The following POU2F2 variants were observed in gnomAD, a reference collection of about 807,000 sequenced individuals.
The protein encoded by POU2F2 is POU class 2 homeobox 2, also known as POU domain, class 2, transcription factor 2.
In POU2F2, 14 loss-of-function variants were observed where a neutral mutation model predicts 63.5. The ratio of observed to expected loss-of-function variants is 0.22; its 90% CI spans 0.15 to 0.34. POU2F2 has a LOEUF of 0.34. POU2F2 is among the 10% of genes least tolerant of loss of function. The pLI is 1.00. For synonymous variants in POU2F2, 306 were observed against 348.6 expected (o/e 0.88, Z 1.36); for missense variants, 607 against 815.2 (o/e 0.74, Z 3.11).
intron 5 of POU2F2, among the ~76,000 whole-genome samples, chr19:42,105,996 CTTTT>C (rs1177139816): frequency 6.9e-4 from 92 of 134,148 alleles, no homozygotes; most frequent in South Asian, 6.2e-3. Context: ...TAGGATCTTT[CTTTT>C]TTCTTTCTTT....
At chr19:42,151,480 C>T (rs990101839) in intron 2 of POU2F2, among the ~76,000 whole-genome samples, 1 of 152,124 alleles carries the variant, frequency 6.6e-6, no homozygotes, top group African/African-American at 2.4e-5. Flanking sequence ...GGGACCAGGG[C>T]AGTCCTGGCT....
intron 4 of POU2F2, among the ~76,000 whole-genome samples, chr19:42,121,754 T>G (rs1461046301): frequency 2.0e-5 from 3 of 152,082 alleles, no homozygotes. Flanking sequence ...ACAGCTATCC[T>G]CAACTGGTAC....
In POU2F2 at chr19:42,162,319, C is replaced by T. The variant is rs2034568016; in HGVS notation, c.-69-1927G>A. Among the ~76,000 whole-genome samples, 1 of 152,092 alleles carries T rather than the reference C, an allele frequency of 6.6e-6. No homozygotes were observed. Among genetic ancestry groups the T allele is most frequent in the South Asian group, 2.1e-4 (1 of 4,834 alleles). On this transcript the variant is annotated intron_variant, in intron 1 of 6. Transcript: ENST00000524801. The surrounding 1 kb of genome is among the most constrained non-coding windows in gnomAD (Gnocchi z 4.1). ...TGCCCTCCGACAGAGGGGAGAGGAT[C>T]CCTCTCCCAAGCAGACAACACCTCC... is the stretch of plus-strand genomic sequence containing the variant.
At position 42,152,100 on chromosome 19, in the gene POU2F2, C is replaced by T. The variant is rs543534824; in HGVS notation, c.-9+8232G>A. 5.3e-4 allele frequency among the ~76,000 whole-genome samples: 80 copies of T among 152,278 alleles called. No homozygotes were observed. The highest frequency in any genetic ancestry group is 1.1e-3 in the Non-Finnish European group (73 of 68,028). On this transcript the variant is annotated intron_variant, in intron 2 of 6. Transcript: ENST00000524801. The surrounding 1 kb of genome is among the most constrained non-coding windows in gnomAD (Gnocchi z 4.1). ...GGTTGGTCACAATCCACCCATGACACTGCGTCAGGGCCTCCCATCCACCCA... is the reference window on the plus strand; with the variant it reads ...GGTTGGTCACAATCCACCCATGACATTGCGTCAGGGCCTCCCATCCACCCA...
intron 1 of POU2F2, among the ~76,000 whole-genome samples, chr19:42,129,559 G>C (rs2033515578): frequency 6.6e-6 from 1 of 152,216 alleles, no homozygotes; most frequent in Non-Finnish European, 1.5e-5. Context: ...TAAATATAGA[G>C]GGCCCAAGGA....
intron 1 of POU2F2, among the ~76,000 whole-genome samples, chr19:42,130,830 G>C (rs1237661860): frequency 6.6e-6 from 1 of 151,084 alleles, no homozygotes; most frequent in Admixed American, 6.6e-5. Context: ...TGTTTTCAGG[G>C]CTCCTACGAT....
intron 2 of POU2F2, among the ~76,000 whole-genome samples, chr19:42,143,810 C>G (rs2034176990): frequency 6.6e-6 from 1 of 152,160 alleles, no homozygotes; most frequent in African/African-American, 2.4e-5. Context: ...AGGCTCGTCC[C>G]CTTACTTACT....
intron 5 of POU2F2, among the ~76,000 whole-genome samples, chr19:42,100,336 G>C (rs1029395437): frequency 6.6e-6 from 1 of 151,766 alleles, no homozygotes. Context: ...TGATCTGTCC[G>C]CCTTGGCCTC....
At chr19:42,146,204 C>G (rs888192515) in intron 2 of POU2F2, among the ~76,000 whole-genome samples, 1 of 152,184 alleles carries the variant, frequency 6.6e-6, no homozygotes, top group Non-Finnish European at 1.5e-5. Flanking sequence ...TGATGCCCAG[C>G]AAAGTTAAAT....
chr19:42,093,129 G>C (rs976238648), intron 12 of POU2F2, among the ~76,000 whole-genome samples: 1 of 149,302 alleles, frequency 6.7e-6, no homozygotes, highest in African/African-American at 2.5e-5. Context: ...TCCTGCCTCA[G>C]CCTCCCGAGT....
chr19:42,100,944 A>G lies in POU2F2; in HGVS notation c.370-1123T>C, dbSNP rs368299645. Among the ~76,000 whole-genome samples the G allele has an allele frequency of 3.8e-3, 579 of 151,856 alleles. 6 individuals carry two copies. Among genetic ancestry groups the G allele is most frequent in the African/African-American group, 0.014 (561 of 41,376 alleles). ...GAAACCCTGTCTCTACTAAAAATAC[A>G]AACAATTAGCCAGGCATGGTGGCAC... On this transcript the variant is annotated intron_variant, in intron 5 of 14. Transcript: ENST00000692977.
At chr19:42,122,209 G>A in intron 3 of POU2F2, 27 bp from the exon 4 acceptor site, 1 of 1,605,696 alleles carries the variant, frequency 6.2e-7, no homozygotes, top group Non-Finnish European at 8.5e-7. Context: ...GGAGCAAGGG[G>A]ATGGGAATAG....
intron 5 of POU2F2, among the ~76,000 whole-genome samples, chr19:42,106,468 A>T (rs2030025804): frequency 6.6e-6 from 1 of 151,984 alleles, no homozygotes; most frequent in African/African-American, 2.4e-5. Flanking sequence ...ATCACTAGGG[A>T]CTCCAAAGGG....
intron 2 of POU2F2, among the ~76,000 whole-genome samples, chr19:42,160,034 C>T (rs1164241776): frequency 6.6e-6 from 1 of 152,148 alleles, no homozygotes; most frequent in African/African-American, 2.4e-5. Flanking sequence ...TGTGCTTGAA[C>T]CCAAAGCTGT....
chr19:42,158,886 G>A (rs773673223), intron 2 of POU2F2, among the ~76,000 whole-genome samples: 3 of 151,588 alleles, frequency 2.0e-5, no homozygotes, highest in Non-Finnish European at 4.4e-5. Context: ...TCTTTTCGAG[G>A]ATGTGAGGAT....
intron 5 of POU2F2, among the ~76,000 whole-genome samples, chr19:42,111,309 G>A (rs2031054631): frequency 6.6e-6 from 1 of 151,742 alleles, no homozygotes; most frequent in Non-Finnish European, 1.5e-5. Flanking sequence ...AAGATACAGG[G>A]TCTCTCTATG....
chr19:42,144,779 C>T lies in POU2F2; in HGVS notation c.-9+15553G>A, dbSNP rs566182155. ...CCCTTTTCAGAGGAGCACCCCAAGG[C>T]GGGTCAGAGAGGGCAAGGACTTGCC... On this transcript the variant is annotated intron_variant, in intron 2 of 6. Transcript: ENST00000524801. 9.8e-5 allele frequency among the ~76,000 whole-genome samples: 15 copies of T among 152,342 alleles called. No individual in the cohort carries two copies. The South Asian group carries it at 2.5e-3, about 25-fold the overall frequency.
intron 5 of POU2F2, among the ~76,000 whole-genome samples, chr19:42,105,566 G>T (rs975136188): frequency 3.9e-5 from 6 of 152,130 alleles, no homozygotes; most frequent in African/African-American, 1.4e-4. Flanking sequence ...GGTGTCTGTG[G>T]GTTTCGTTCT....
chr19:42,169,922 G>A lies in POU2F2; in HGVS notation c.-70+6041C>T. Among the ~76,000 whole-genome samples, 1 of 152,096 alleles carries A rather than the reference G, an allele frequency of 6.6e-6. No homozygotes were observed. Among genetic ancestry groups the A allele is most frequent in the East Asian group, 1.9e-4 (1 of 5,180 alleles). On this transcript the variant is annotated intron_variant, in intron 1 of 6. Transcript: ENST00000524801. The surrounding 1 kb of genome is among the most constrained non-coding windows in gnomAD (Gnocchi z 4.3). Reference sequence around the variant, plus strand: ...ATATGTGCCTTGCAGATGGGGAGGGGGCCGGGGTGTCAGCGAGCTCCTGTG... The same window carrying A: ...ATATGTGCCTTGCAGATGGGGAGGGAGCCGGGGTGTCAGCGAGCTCCTGTG...
Sources: allele counts gnomAD v4.1 joint callset (sites outside exome capture counted in the v4.1 genomes callset), GRCh38; gene constraint gnomAD v4.1.1; non-coding constraint Gnocchi (gnomAD v3.1); transcripts MANE v1.5; gene names NCBI Gene and HGNC (gene_info 2026-07-23, HGNC 2026-07-21).